The following TUBGCP6 variants were observed in gnomAD, a reference collection of about 807,000 sequenced individuals.
TUBGCP6 encodes the protein tubulin gamma complex component 6.
A neutral mutation model predicts 175.8 loss-of-function variants in TUBGCP6; 161 were observed. The observed-to-expected ratio is 0.92, with a 90% confidence interval of 0.81 to 1.04. TUBGCP6 has a LOEUF of 1.04. Ranked by LOEUF, TUBGCP6 falls within the 50% of genes least tolerant of loss-of-function variation. TUBGCP6 has a pLI of 0.00. For synonymous variants in TUBGCP6, 1,173 were observed against 1,030.5 expected, an observed-to-expected ratio of 1.14 and a Z score of -2.65; for missense variants, 2,572 against 2,433.0, an observed-to-expected ratio of 1.06 and a Z score of -1.20.
At chr22:50,233,643 A>G (rs1042853006) in intron 2 of TUBGCP6, 117 bp from the exon 3 acceptor site, 9 of 990,576 alleles carry the variant, frequency 9.1e-6, no homozygotes, top group Admixed American at 2.4e-5. Context: ...TCAAAACAAT[A>G]AACTCTAAGA....
Position 50,221,893 on chromosome 22 carries a change from C to T in TUBGCP6, c.2485-19G>A, listed in dbSNP as rs1316362635. The T allele has an allele frequency of 6.5e-7, 1 of 1,527,680 alleles. No homozygotes were observed. The highest frequency in any genetic ancestry group is 8.8e-7 in the Non-Finnish European group (1 of 1,136,904). The allele number at this position is 1,527,680 out of a possible 1,614,324, so 94.6% of individuals were successfully genotyped here. A position where few individuals can be genotyped will look rare whatever the true frequency, so the allele number is the denominator to read the frequency against. On this transcript the variant is annotated intron_variant, in intron 15 of 24. Coordinates refer to ENST00000248846, the MANE Select transcript of TUBGCP6 (RefSeq NM_020461.4). ...ACGTGACCTGAAACACAGGTGACAT[C>T]AGACCCAGTCTGGTCTCAGGACCCC...
chr22:50,233,286 C>T (rs747504078), intron 3 of TUBGCP6, 30 bp downstream of exon 3: 14 of 1,606,962 alleles, frequency 8.7e-6, no homozygotes, highest in East Asian at 2.3e-5. Context: ...CAGCCCCACA[C>T]CACTGTGGCG....
Position 50,227,019 on chromosome 22 carries a change from G to C in TUBGCP6, c.1471C>G (p.Pro491Ala). ...CTCACGGTGGGAAACGCGGCCCTGG[G>C]GCCTCCTCCACAGGTGCCCGGGAGC... ...AVLPGTCGGG[P>A]RAAFPTGVKL... is the part of the protein sequence containing the mutation. Residue 491 changes from proline (P) to alanine (A), a missense_variant, in exon 6 of 25, where the codon CCC (proline) becomes GCC (alanine). Coordinates refer to ENST00000248846, the MANE Select transcript of TUBGCP6 (RefSeq NM_020461.4). 6.2e-7 allele frequency: 1 copy of C among 1,612,352 alleles called. No homozygotes were observed. The highest frequency in any genetic ancestry group is 1.1e-5 in the South Asian group (1 of 90,794).
Position 50,219,173 on chromosome 22 carries a change from G to A in TUBGCP6, c.4521C>T (p.Phe1507=), listed in dbSNP as rs761662554. ...GCGCCTCCAGGTGCAGCTCCACGAA[G>A]AAGTAGTCGACAGCGGCCTTGTTCA... ...SLVNKAAVDY[F]FVELHLEAHY... Residue 1507 remains phenylalanine, a synonymous_variant, in exon 20 of 25, where the codon TTC becomes TTT. Transcript: ENST00000248846. The A allele has an allele frequency of 1.2e-6, 2 of 1,612,246 alleles. No homozygotes were observed. The highest frequency in any genetic ancestry group is 1.7e-6 in the Non-Finnish European group (2 of 1,179,992).
In TUBGCP6 at chr22:50,240,281, C is replaced by A; in HGVS notation, c.828G>T (p.Val276=). ...CTTCCCACAGGTCCACGTCTGGGGT[C>A]ACGCTGGGCTCAGACTGGGAATCAG... ...LTPDSQSEPS[V]TPDVDLWEAA... Residue 276 remains valine (V), a synonymous_variant, in exon 2 of 25, where the codon GTG becomes GTT. Transcript: ENST00000248846. 6.2e-7 allele frequency: 1 copy of A among 1,614,062 alleles called. No individual in the cohort carries two copies. Among genetic ancestry groups the A allele is most frequent in the Non-Finnish European group, 8.5e-7 (1 of 1,180,040 alleles).
In TUBGCP6 at chr22:50,220,515, G is replaced by C; in HGVS notation, c.3844C>G (p.Leu1282Val). The change falls in exon 16 of 25, where the codon CTC (leucine) becomes GTC (valine). Residue 1282 changes from leucine to valine, a missense_variant. Transcript: ENST00000248846. ...IPPPHMVLGA[L>V]SPEAEPNTPR... ...GTGTTGGGCTCAGCTTCTGGTGAGA[G>C]AGCCCCCAGCACCATGTGGGGCGGA... 1.2e-6 allele frequency: 2 copies of C among 1,613,506 alleles called. No homozygotes were observed. The highest frequency in any genetic ancestry group is 1.7e-6 in the Non-Finnish European group (2 of 1,180,024).
rs767294100 is a variant in TUBGCP6 at position 50,227,944 on chromosome 22, T to C, written c.1375A>G (p.Ile459Val). 3 of 1,574,194 alleles carry C rather than the reference T, an allele frequency of 1.9e-6. No homozygotes were observed. Among genetic ancestry groups the C allele is most frequent in the South Asian group, 2.3e-5 (2 of 85,758 alleles). Reference protein sequence around the residue: ...STPPTLSLLTIGFLFKKLGRQ... With the variant: ...STPPTLSLLTVGFLFKKLGRQ... ...CCAAGTTTCTTGAAGAGAAAACCAA[T>C]GGTGAGGAGGCTCAGGGTGGGCGGA... Residue 459 changes from isoleucine to valine, a missense_variant, in exon 5 of 25, where the codon ATT (isoleucine) becomes GTT (valine). Ile to Val is a conservative substitution (Grantham distance 29). Coordinates refer to ENST00000248846, the MANE Select transcript of TUBGCP6 (RefSeq NM_020461.4).
chr22:50,241,875 T>C (rs1262012171), intron 1 of TUBGCP6, among the ~76,000 whole-genome samples: 2 of 151,770 alleles, frequency 1.3e-5, no homozygotes, highest in East Asian at 1.9e-4. Flanking sequence ...CAGCTGTTTT[T>C]TCTTCTATCT....
chr22:50,240,809 T>C (rs981926112), intron 1 of TUBGCP6, among the ~76,000 whole-genome samples: 19 of 152,196 alleles, frequency 1.2e-4, no homozygotes, highest in African/African-American at 4.1e-4. Context: ...GGCCAGCATG[T>C]GAAACCCCGT....
In TUBGCP6 at chr22:50,217,935, G is replaced by T. The variant is rs770417171; in HGVS notation, c.5351C>A (p.Ser1784Tyr). The T allele has an allele frequency of 4.4e-6, 7 of 1,607,910 alleles. No individual in the cohort carries two copies. In the East Asian group the frequency reaches 1.1e-4, roughly 26 times the overall value. ...QQSYNTFKYY[S>Y]HFLFKVVTKL... is the part of the protein sequence containing the mutation. ...GGCCTCACCTTTGAAGAGAAAGTGG[G>T]AGTAGTACTTGAAGGTGTTGTAGGA... is the stretch of plus-strand genomic sequence containing the variant. The change falls in exon 24 of 25, where the codon TCC becomes TAC. Residue 1784 changes from serine to tyrosine, a missense_variant. Ser to Tyr is a moderately radical substitution (Grantham distance 144, BLOSUM62 -2). Coordinates refer to ENST00000248846, the MANE Select transcript of TUBGCP6 (RefSeq NM_020461.4).
chr22:50,237,428 C>T (rs1460541590), intron 2 of TUBGCP6, among the ~76,000 whole-genome samples: 2 of 152,250 alleles, frequency 1.3e-5, no homozygotes, highest in Non-Finnish European at 2.9e-5. Context: ...CAGCATCAGG[C>T]TGACCCGACT....
rs1182589176 is a variant in TUBGCP6, at chr22:50,243,842, G to C, written c.618C>G (p.Phe206Leu). Residue 206 changes from phenylalanine (F) to leucine (L), a missense_variant, in exon 1 of 25, where the codon TTC becomes TTG. By Grantham distance (22) the Phe-to-Leu change is conservative. Coordinates refer to ENST00000248846, the MANE Select transcript of TUBGCP6 (RefSeq NM_020461.4). ...AGAGCGAGACCCGGGTGTCTCTCTC[G>C]AACCTGTCACCACAAGGGTCACCAA... is the stretch of plus-strand genomic sequence containing the variant. ...FSFGDPCGDR[F>L]ERDTRVSLFG... 4 of 1,613,626 alleles carry C rather than the reference G, an allele frequency of 2.5e-6. No individual in the cohort carries two copies. Among genetic ancestry groups the C allele is most frequent in the Non-Finnish European group, 3.4e-6 (4 of 1,179,998 alleles).
rs754884608 is a variant in TUBGCP6, at chr22:50,218,501, G to A, written c.4941C>T (p.His1647=). ...GCGGGGCCTCACCTGTGCGCTTGAG[G>A]TGGAAGCAGACGTCCTTGAGCGCCC... is the stretch of plus-strand genomic sequence containing the variant. ...MMWALKDVCF[H]LKRTALLSHM... is the part of the protein sequence containing the mutation. The change falls in exon 22 of 25, where the codon CAC becomes CAT. Residue 1647 remains histidine (H), a synonymous_variant. Transcript: ENST00000248846. 6.2e-6 allele frequency: 10 copies of A among 1,613,642 alleles called. No homozygotes were observed. The highest frequency in any genetic ancestry group is 7.6e-6 in the Non-Finnish European group (9 of 1,179,968).
chr22:50,225,451 G>A (rs567067322), intron 10 of TUBGCP6, among the ~76,000 whole-genome samples: 2 of 152,272 alleles, frequency 1.3e-5, no homozygotes, highest in Admixed American at 6.5e-5. Context: ...CACAGCTGGC[G>A]GGCCCGGGGA....
At chr22:50,232,916 G>GGATGACACC (rs1256204957) in intron 3 of TUBGCP6, among the ~76,000 whole-genome samples, 1 of 152,170 alleles carries the variant, frequency 6.6e-6, no homozygotes, top group Non-Finnish European at 1.5e-5. Context: ...GCCCCATCCC[G>GGATGACACC]GATGACACCG....
Position 50,220,555 on chromosome 22 carries a change from G to A in TUBGCP6, c.3804C>T (p.Thr1268=). Residue 1268 remains threonine (T), a synonymous_variant, in exon 16 of 25, where the codon ACC becomes ACT. Coordinates refer to ENST00000248846, the MANE Select transcript of TUBGCP6 (RefSeq NM_020461.4). The part of the protein sequence containing the change: ...DVVSTRPRWN[T]HVPIPPPHMV... ...TGTGGGGCGGAGGGATGGGTACATGGGTGTTCCACCGTGGCCGGGTGGAAA... is the reference window on the plus strand; with the variant it reads ...TGTGGGGCGGAGGGATGGGTACATGAGTGTTCCACCGTGGCCGGGTGGAAA... 1.2e-6 allele frequency: 2 copies of A among 1,613,610 alleles called. No homozygotes were observed.
intron 1 of TUBGCP6, 79 bp from the exon 2 acceptor site, chr22:50,240,446 C>A: frequency 6.5e-7 from 1 of 1,549,628 alleles, no homozygotes; most frequent in Non-Finnish European, 8.8e-7. Context: ...ATTTCAGGAA[C>A]TTTATGCAAA....
In TUBGCP6 at chr22:50,218,631, G is replaced by A; in HGVS notation, c.4822-11C>T. The A allele has an allele frequency of 6.2e-7, 1 of 1,613,796 alleles. No individual in the cohort carries two copies. The highest frequency in any genetic ancestry group is 8.5e-7 in the Non-Finnish European group (1 of 1,179,932). On this transcript the variant is annotated splice_polypyrimidine_tract_variant and intron_variant, in intron 21 of 24. Transcript: ENST00000248846. ...GAGAGGCCAGTCCACCTGCCAGGAG[G>A]CGTGGCTCAGCAGGCATCCCACAGG...
Position 50,221,754 on chromosome 22 carries a change from G to T in TUBGCP6, c.2605C>A (p.Leu869Ile), listed in dbSNP as rs2147180667. 1 of 1,515,498 alleles carries T rather than the reference G, an allele frequency of 6.6e-7. No individual in the cohort carries two copies. The allele number at this position is 1,515,498 out of a possible 1,614,324, so 93.9% of individuals were successfully genotyped here. ...CCAGCCCCCACTGCTAGAGGCTTAA[G>T]GGGCTGTGGGGTCAGCAGGCCTGGC... ...NRPGLLTPQP[L>I]KPLAVGAGGR... Residue 869 changes from leucine to isoleucine, a missense_variant, in exon 16 of 25, where the codon CTT becomes ATT. Leu to Ile is a conservative substitution (Grantham distance 5, BLOSUM62 2). Transcript: ENST00000248846.
Sources: gnomAD v4.1 joint callset for allele counts (sites outside exome capture counted in the v4.1 genomes callset) on GRCh38, gnomAD v4.1.1 for gene constraint, MANE v1.5 for transcripts, NCBI Gene and HGNC (gene_info 2026-07-23, HGNC 2026-07-21) for gene names.